Variants in RAD54B observed in about 807,000 individuals in gnomAD.
RAD54B encodes the protein DNA repair and recombination protein RAD54B.
RAD54B carries 78 observed loss-of-function variants against 95.8 expected under a neutral mutation model. The ratio of observed to expected loss-of-function variants is 0.81; its 90% CI spans 0.68 to 0.98. The LOEUF is 0.98. RAD54B is among the 50% of genes least tolerant of loss of function. The pLI, the probability that RAD54B is intolerant of heterozygous loss-of-function variation, is 0.00. For missense variants in RAD54B, 957 were observed against 1,056.6 expected (o/e 0.91, Z 1.31); for synonymous variants, 328 against 354.9 (o/e 0.92, Z 0.85).
chr8:94,472,685 C>G (rs1390555934), intron 1 of RAD54B, among the ~76,000 whole-genome samples: 1 of 151,960 alleles, frequency 6.6e-6, no homozygotes, highest in Non-Finnish European at 1.5e-5. Flanking sequence ...TGAAGGAAAC[C>G]AGAGTGTAGT....
chr8:94,431,201 C>T (rs968270291), intron 3 of RAD54B: 5 of 929,232 alleles, frequency 5.4e-6, no homozygotes, highest in Non-Finnish European at 6.4e-6. Context: ...TTATAAAATA[C>T]ATAAAATTTT....
At chr8:94,398,958 T>C (rs1467488655) in intron 8 of RAD54B, among the ~76,000 whole-genome samples, 1 of 152,134 alleles carries the variant, frequency 6.6e-6, no homozygotes. Context: ...TATAAATAAC[T>C]GATATTAAAC....
chr8:94,377,724 C>G (rs1353316514), intron 14 of RAD54B, among the ~76,000 whole-genome samples: 1 of 151,582 alleles, frequency 6.6e-6, no homozygotes, highest in Non-Finnish European at 1.5e-5. Context: ...CGCCTGTAAT[C>G]CCAGCACTTT....
At chr8:94,429,308 G>A (rs1434863221) in intron 3 of RAD54B, 3 of 436,482 alleles carry the variant, frequency 6.9e-6, no homozygotes, top group Non-Finnish European at 9.1e-6. Context: ...GAATTTTCAA[G>A]GGCTATTTTG....
At chr8:94,466,440 C>T (rs1248648505) in intron 2 of RAD54B, among the ~76,000 whole-genome samples, 1 of 151,368 alleles carries the variant, frequency 6.6e-6, no homozygotes, top group African/African-American at 2.4e-5. Context: ...CGGAGTCTTG[C>T]TCTGTCACCC....
chr8:94,379,382 C>T (rs574507954), intron 12 of RAD54B, among the ~76,000 whole-genome samples: 101 of 152,230 alleles, frequency 6.6e-4, no homozygotes, highest in Non-Finnish European at 1.2e-3. Flanking sequence ...CCCTGGTGGA[C>T]AATATTCTAT....
At chr8:94,376,305 G>T (rs1810569825) in intron 14 of RAD54B, among the ~76,000 whole-genome samples, 1 of 151,862 alleles carries the variant, frequency 6.6e-6, no homozygotes, top group African/African-American at 2.4e-5. Flanking sequence ...TAACTCATGA[G>T]ACAAAGAAGA....
In RAD54B at chr8:94,400,303, T is replaced by C; in HGVS notation, c.1105A>G (p.Asn369Asp). The C allele has an allele frequency of 6.2e-7, 1 of 1,613,920 alleles. No homozygotes were observed. The highest frequency in any genetic ancestry group is 8.5e-7 in the Non-Finnish European group (1 of 1,179,872). The change falls in exon 7 of 15, where the codon AAT (asparagine) becomes GAT (aspartate). Residue 369 changes from asparagine to aspartate, a missense_variant. Physicochemically the swap from Asn to Asp is conservative, Grantham distance 23. Transcript: ENST00000336148. ...CATTTTTGAAATTCTTTCTTCCAAT[T>C]ATTCACCAAGCTTCCAGGTGTGACA... ...LIVTPGSLVN[N>D]WKKEFQKWLG...
At position 94,467,091 on chromosome 8, in the gene RAD54B, A is replaced by G. The variant is rs3099397; in HGVS notation, c.135+314T>C. Among the ~76,000 whole-genome samples the G allele has an allele frequency of 0.56, 85,757 of 151,872 alleles. 26,341 individuals are homozygous for G. Among genetic ancestry groups the G allele is most frequent in the East Asian group, 0.83 (4,245 of 5,136 alleles). On this transcript the variant is annotated intron_variant, in intron 2 of 14. Transcript: ENST00000336148. ...CTCCAGGTGCACACCACCACACCCC[A>G]CTAAATTTTTATTTTTTGTAGAGAC...
intron 1 of RAD54B, among the ~76,000 whole-genome samples, chr8:94,469,662 C>CCACT (rs1346637153): frequency 6.6e-6 from 1 of 152,152 alleles, no homozygotes; most frequent in East Asian, 1.9e-4. Flanking sequence ...TTTTCCTATT[C>CCACT]CACTAATCCA....
intron 3 of RAD54B, among the ~76,000 whole-genome samples, chr8:94,415,722 C>T (rs1811647569): frequency 6.8e-6 from 1 of 147,270 alleles, no homozygotes; most frequent in Non-Finnish European, 1.5e-5. Flanking sequence ...TGAACAGACA[C>T]TTCTCAAAAG....
intron 2 of RAD54B, among the ~76,000 whole-genome samples, chr8:94,458,868 A>C (rs1379638053): frequency 6.6e-6 from 1 of 152,082 alleles, no homozygotes; most frequent in African/African-American, 2.4e-5. Context: ...CTCCATCTAA[A>C]AAAAAAAAAT....
At chr8:94,443,532 A>G (rs1373770914) in intron 3 of RAD54B, among the ~76,000 whole-genome samples, 4 of 152,062 alleles carry the variant, frequency 2.6e-5, no homozygotes, top group African/African-American at 9.7e-5. Flanking sequence ...TATCAAAAAA[A>G]AAAAAATCAC....
chr8:94,437,018 T>C (rs911134457), intron 3 of RAD54B: 1 of 1,379,696 alleles, frequency 7.2e-7, no homozygotes, highest in Non-Finnish European at 9.4e-7. Flanking sequence ...TTAAAATTCC[T>C]CCAGCTTAAG....
intron 5 of RAD54B, among the ~76,000 whole-genome samples, chr8:94,406,405 T>C (rs76717055): frequency 0.018 from 2,700 of 152,232 alleles, 67 homozygotes; most frequent in African/African-American, 0.061. Flanking sequence ...AAAGAGCTGG[T>C]GGGACAGACA....
At chr8:94,429,183 T>G in intron 3 of RAD54B, 3 of 857,122 alleles carry the variant, frequency 3.5e-6, no homozygotes, top group Non-Finnish European at 4.2e-6. Context: ...ATACAGCCCC[T>G]AAATGCTAAT....
rs558593879 is a variant in RAD54B at position 94,442,553 on chromosome 8, T to C, written c.304+15715A>G. On this transcript the variant is annotated intron_variant, in intron 3 of 14. Coordinates refer to ENST00000336148, the MANE Select transcript of RAD54B (RefSeq NM_012415.3). ...TCGCGCCACCGCACTCCAGCCTGGGTGACAGAGCGAGACTCTGTCTCAGAA... is the reference window on the plus strand; with the variant it reads ...TCGCGCCACCGCACTCCAGCCTGGGCGACAGAGCGAGACTCTGTCTCAGAA... Among the ~76,000 whole-genome samples the C allele has an allele frequency of 5.0e-3, 678 of 135,654 alleles. 5 individuals carry two copies. The highest frequency in any genetic ancestry group is 0.027 in the South Asian group (122 of 4,452). The allele number at this position is 135,654 out of a possible 152,430, so 89.0% of individuals were successfully genotyped here. A position where few individuals can be genotyped will look rare whatever the true frequency, so the allele number is the denominator to read the frequency against.
At chr8:94,393,647 A>G in intron 9 of RAD54B, 96 bp downstream of exon 9, 2 of 1,203,196 alleles carry the variant, frequency 1.7e-6, no homozygotes, top group Non-Finnish European at 2.4e-6. Context: ...AAGAGTTCAC[A>G]CTATTGATTT....
At chr8:94,474,896 C>G (rs1262315523) in intron 1 of RAD54B, 105 bp downstream of exon 1, 1 of 152,626 alleles carries the variant, frequency 6.6e-6, no homozygotes, top group Non-Finnish European at 1.5e-5. Flanking sequence ...CTGCCGCCTT[C>G]CCTCCCTCCT....
Sources: gnomAD v4.1 joint callset for allele counts (sites outside exome capture counted in the v4.1 genomes callset) on GRCh38, gnomAD v4.1.1 for gene constraint, MANE v1.5 for transcripts, NCBI Gene and HGNC (gene_info 2026-07-23, HGNC 2026-07-21) for gene names.